Variants in AP2B1 observed in about 807,000 individuals in gnomAD.
The protein encoded by AP2B1 is AP-2 complex subunit beta.
AP2B1 carries 23 observed loss-of-function variants against 102.0 expected under a neutral mutation model. That is an observed-to-expected ratio of 0.23 (90% CI 0.16 to 0.32). The LOEUF is 0.32. Ranked by LOEUF, AP2B1 falls within the 10% of genes least tolerant of loss-of-function variation. AP2B1 has a pLI of 1.00. For synonymous variants in AP2B1, 381 were observed against 421.2 expected (o/e 0.90, Z 1.17); for missense variants, 541 against 1,157.4 (o/e 0.47, Z 7.73).
At chr17:35,628,922 T>C (rs2089743121) in intron 9 of AP2B1, among the ~76,000 whole-genome samples, 1 of 152,182 alleles carries the variant, frequency 6.6e-6, no homozygotes, top group African/African-American at 2.4e-5. Context: ...TTTTCTTTCT[T>C]ATAGCATCTT....
At chr17:35,601,927 G>A (rs958982944) in intron 3 of AP2B1, among the ~76,000 whole-genome samples, 6 of 152,148 alleles carry the variant, frequency 3.9e-5, no homozygotes, top group African/African-American at 9.6e-5. Context: ...ACAGGCATGT[G>A]CCACCACGCC....
chr17:35,696,616 T>G lies in AP2B1; in HGVS notation c.2455-12608T>G, dbSNP rs936796902. Among the ~76,000 whole-genome samples, 25 of 152,026 alleles carry G rather than the reference T, an allele frequency of 1.6e-4. No homozygotes were observed. In the East Asian group the frequency reaches 1.9e-3, roughly 12 times the overall value. ...GTTGGCCAGGCTGGTCTCGAACAAC[T>G]AACCTCAAGTGATCTGCCCACCTCA... On this transcript the variant is annotated intron_variant, in intron 18 of 21. Coordinates refer to ENST00000610402, the MANE Select transcript of AP2B1 (RefSeq NM_001030006.2).
intron 15 of AP2B1, among the ~76,000 whole-genome samples, 199 bp from the exon 16 acceptor site, chr17:35,671,555 T>C (rs1339186578): frequency 1.3e-5 from 2 of 152,212 alleles, no homozygotes; most frequent in Non-Finnish European, 2.9e-5. Flanking sequence ...TTCTAAAGAA[T>C]GTGTGTTCTT....
intron 18 of AP2B1, among the ~76,000 whole-genome samples, chr17:35,695,562 C>T (rs1314164383): frequency 6.6e-6 from 1 of 152,022 alleles, no homozygotes; most frequent in Non-Finnish European, 1.5e-5. Context: ...CTGTTATACT[C>T]AGATATCTAA....
intron 3 of AP2B1, among the ~76,000 whole-genome samples, chr17:35,602,010 A>G (rs2073505585): frequency 6.6e-6 from 1 of 152,110 alleles, no homozygotes; most frequent in Non-Finnish European, 1.5e-5. Flanking sequence ...CTCCCGAAAA[A>G]TTGTCATAAC....
At chr17:35,680,686 G>GTTTTTTTTTTTTTTTTTT (rs1167550201) in intron 17 of AP2B1, among the ~76,000 whole-genome samples, 4 of 59,932 alleles carry the variant, frequency 6.7e-5, no homozygotes, top group African/African-American at 7.5e-5. Context: ...TATGGTTTTG[G>GTTTTTTTTTTTTTTTTTT]TTTTTTTTTT....
intron 12 of AP2B1, among the ~76,000 whole-genome samples, chr17:35,650,092 G>T (rs2075049393): frequency 6.6e-6 from 1 of 152,116 alleles, no homozygotes; most frequent in African/African-American, 2.4e-5. Flanking sequence ...TGGGATTACA[G>T]GCACACGCCA....
At chr17:35,607,269 C>T (rs2073713049) in intron 4 of AP2B1, among the ~76,000 whole-genome samples, 1 of 152,142 alleles carries the variant, frequency 6.6e-6, no homozygotes, top group Non-Finnish European at 1.5e-5. Flanking sequence ...AAAAAACAGA[C>T]AGCATTTCTA....
chr17:35,601,138 G>C (rs2073466778), intron 3 of AP2B1: 2 of 299,422 alleles, frequency 6.7e-6, no homozygotes, highest in Non-Finnish European at 9.9e-6. Context: ...AATTGAGTTT[G>C]GTAGGTAGGT....
At chr17:35,687,591 G>A (rs750330646) in intron 18 of AP2B1, among the ~76,000 whole-genome samples, 4 of 151,710 alleles carry the variant, frequency 2.6e-5, no homozygotes, top group African/African-American at 4.8e-5. Context: ...TCAGTCACCC[G>A]GGCTGAAGTG....
intron 2 of AP2B1, among the ~76,000 whole-genome samples, chr17:35,595,525 C>T (rs985400058): frequency 1.3e-5 from 2 of 151,950 alleles, no homozygotes; most frequent in African/African-American, 4.8e-5. Context: ...CCAGCCTAGG[C>T]AACAGAGAGA....
At chr17:35,590,461 AATC>A in intron 1 of AP2B1, among the ~76,000 whole-genome samples, 1 of 152,316 alleles carries the variant, frequency 6.6e-6, no homozygotes, top group South Asian at 2.1e-4. Context: ...GTTGTGCAAC[AATC>A]ATGTCTTCTG....
intron 18 of AP2B1, among the ~76,000 whole-genome samples, chr17:35,689,656 T>C (rs2076003841): frequency 6.6e-6 from 1 of 152,236 alleles, no homozygotes; most frequent in African/African-American, 2.4e-5. Flanking sequence ...TGATAGCTCT[T>C]AAGTCTCTTT....
At chr17:35,704,874 T>C (rs12449919) in intron 18 of AP2B1, among the ~76,000 whole-genome samples, 5,070 of 151,932 alleles carry the variant, frequency 0.033, 203 homozygotes, top group East Asian at 0.14. Context: ...CTACTAAAAA[T>C]ACAAAAATTA....
At chr17:35,617,002 G>T (rs981411171) in intron 5 of AP2B1, among the ~76,000 whole-genome samples, 3 of 152,288 alleles carry the variant, frequency 2.0e-5, no homozygotes, top group Non-Finnish European at 4.4e-5. Context: ...GGCTTGCAAA[G>T]CACTTAATAC....
intron 18 of AP2B1, among the ~76,000 whole-genome samples, chr17:35,697,855 G>A (rs1399883040): frequency 1.3e-5 from 2 of 152,132 alleles, no homozygotes; most frequent in Non-Finnish European, 2.9e-5. Context: ...CCAGCTACTC[G>A]GGAGGCTGAG....
At chr17:35,632,088 A>T (rs200193481) in intron 9 of AP2B1, among the ~76,000 whole-genome samples, 21 of 145,790 alleles carry the variant, frequency 1.4e-4, no homozygotes, top group South Asian at 6.5e-4. Flanking sequence ...AAAATTCACT[A>T]TTTTTTTTTT....
intron 17 of AP2B1, among the ~76,000 whole-genome samples, chr17:35,674,670 A>G (rs1376005171): frequency 6.6e-6 from 1 of 152,186 alleles, no homozygotes; most frequent in Admixed American, 6.5e-5. Context: ...ACGCCAATGC[A>G]CTCCAGTCTG....
At chr17:35,602,087 A>G (rs1567782478) in intron 3 of AP2B1, among the ~76,000 whole-genome samples, 1 of 151,578 alleles carries the variant, frequency 6.6e-6, no homozygotes, top group African/African-American at 2.4e-5. Flanking sequence ...AAAACTCTTG[A>G]TTTTTTTTTA....
Sources: gnomAD v4.1 joint callset for allele counts (sites outside exome capture counted in the v4.1 genomes callset) on GRCh38, gnomAD v4.1.1 for gene constraint, MANE v1.5 for transcripts, NCBI Gene and HGNC (gene_info 2026-07-23, HGNC 2026-07-21) for gene names.